The following CDH13 variants were observed in gnomAD, a reference collection of about 807,000 sequenced individuals.
CDH13 encodes cadherin 13, also known as cadherin-13.
In CDH13, 24 loss-of-function variants were observed where a neutral mutation model predicts 63.8. The ratio of observed to expected loss-of-function variants is 0.38; its 90% CI spans 0.27 to 0.53. CDH13 has a LOEUF of 0.53. Ranked by LOEUF, CDH13 falls within the 20% of genes least tolerant of loss-of-function variation. The pLI is 0.85. For missense variants in CDH13, 1,049 were observed against 903.1 expected (o/e 1.16, Z -2.07); for synonymous variants, 503 against 355.3 (o/e 1.42, Z -4.67).
intron 7 of CDH13, among the ~76,000 whole-genome samples, chr16:83,562,859 T>A (rs1447777488): frequency 6.6e-6 from 1 of 152,218 alleles, no homozygotes; most frequent in East Asian, 1.9e-4. Flanking sequence ...GCTATTCTAC[T>A]GTTACTATAA....
chr16:83,539,900 T>C (rs957899707), intron 7 of CDH13, among the ~76,000 whole-genome samples: 1 of 152,164 alleles, frequency 6.6e-6, no homozygotes, highest in South Asian at 2.1e-4. Flanking sequence ...ATTAGGGATA[T>C]CTCCCTGAGG....
intron 6 of CDH13, among the ~76,000 whole-genome samples, chr16:83,356,345 A>T (rs1341891147): frequency 3.3e-5 from 5 of 151,874 alleles, no homozygotes. Flanking sequence ...AACTCCACGC[A>T]GCCCATCCTT....
At chr16:82,668,636 T>C (rs1453913957) in intron 1 of CDH13, among the ~76,000 whole-genome samples, 1 of 152,200 alleles carries the variant, frequency 6.6e-6, no homozygotes, top group Non-Finnish European at 1.5e-5. Context: ...AGATTCAGCA[T>C]TCCTTGGGGT....
intron 6 of CDH13, among the ~76,000 whole-genome samples, chr16:83,486,158 C>T (rs962880519): frequency 8.9e-6 from 1 of 111,872 alleles, no homozygotes; most frequent in African/African-American, 3.6e-5. Context: ...ATGAATGTCC[C>T]TGTCACAAAG....
At chr16:83,072,160 T>C (rs1428810495) in intron 3 of CDH13, among the ~76,000 whole-genome samples, 3 of 152,238 alleles carry the variant, frequency 2.0e-5, no homozygotes. Flanking sequence ...GCATGTATTT[T>C]ACCCTTAAAG....
chr16:83,321,350 T>C (rs11648319), intron 5 of CDH13, among the ~76,000 whole-genome samples: 7,791 of 152,220 alleles, frequency 0.051, 255 homozygotes, highest in Non-Finnish European at 0.075. Context: ...CACAGCAAGT[T>C]GATCAACTTG....
At chr16:83,040,522 C>T (rs943127309) in intron 3 of CDH13, among the ~76,000 whole-genome samples, 18 of 152,198 alleles carry the variant, frequency 1.2e-4, no homozygotes, top group South Asian at 4.2e-4. Context: ...GTGTGATGTT[C>T]GAGGCCAGGA....
At chr16:82,720,815 T>C (rs187091995) in intron 1 of CDH13, among the ~76,000 whole-genome samples, 1 of 152,206 alleles carries the variant, frequency 6.6e-6, no homozygotes, top group Non-Finnish European at 1.5e-5. Flanking sequence ...GAGTTGGCAT[T>C]GCTACAAGTC....
At chr16:83,276,625 C>G (rs1262857549) in intron 5 of CDH13, among the ~76,000 whole-genome samples, 1 of 152,104 alleles carries the variant, frequency 6.6e-6, no homozygotes, top group Non-Finnish European at 1.5e-5. Context: ...AATCCCAGCA[C>G]TTTGGGAGGC....
At position 83,549,454 on chromosome 16, in the gene CDH13, T is replaced by G. The variant is rs550699842; in HGVS notation, c.961-53000T>G. Among the ~76,000 whole-genome samples, 11 of 152,322 alleles carry G rather than the reference T, an allele frequency of 7.2e-5. No homozygotes were observed. The South Asian group carries it at 2.3e-3, about 32-fold the overall frequency. Reference sequence around the variant, plus strand: ...TATCAAGGGGAACGTGGTAGAGGGATGTGAGCCTCAGGCTGCCTGCTGCCG... The same window carrying G: ...TATCAAGGGGAACGTGGTAGAGGGAGGTGAGCCTCAGGCTGCCTGCTGCCG... On this transcript the variant is annotated intron_variant, in intron 7 of 13. Transcript: ENST00000567109.
chr16:83,737,985 G>T (rs952919248), intron 10 of CDH13, among the ~76,000 whole-genome samples: 1 of 152,206 alleles, frequency 6.6e-6, no homozygotes, highest in African/African-American at 2.4e-5. Flanking sequence ...AGACAGTAAT[G>T]TATATGAATA....
intron 7 of CDH13, among the ~76,000 whole-genome samples, chr16:83,513,745 G>T (rs1172008756): frequency 6.6e-6 from 1 of 152,150 alleles, no homozygotes; most frequent in Non-Finnish European, 1.5e-5. Flanking sequence ...AACAACACAT[G>T]GGGATTATGG....
chr16:82,809,851 A>T (rs1466183299), intron 1 of CDH13, among the ~76,000 whole-genome samples: 2 of 152,176 alleles, frequency 1.3e-5, no homozygotes, highest in Admixed American at 1.3e-4. Context: ...CAGTAAAAGA[A>T]GTGGATTAGA....
intron 1 of CDH13, among the ~76,000 whole-genome samples, chr16:82,818,722 C>G (rs1212108018): frequency 6.6e-6 from 1 of 152,188 alleles, no homozygotes; most frequent in African/African-American, 2.4e-5. Context: ...TGCCTCACAT[C>G]TGGCCACAGG....
intron 1 of CDH13, among the ~76,000 whole-genome samples, chr16:82,816,334 G>C (rs1265803452): frequency 6.6e-6 from 1 of 152,150 alleles, no homozygotes; most frequent in East Asian, 1.9e-4. Flanking sequence ...TGGTGATACA[G>C]CAGTGGACAC....
chr16:82,783,031 T>C (rs1258111418), intron 1 of CDH13, among the ~76,000 whole-genome samples: 1 of 152,218 alleles, frequency 6.6e-6, no homozygotes, highest in Non-Finnish European at 1.5e-5. Context: ...CAGCGTCTCC[T>C]TCCCCCATGG....
intron 6 of CDH13, among the ~76,000 whole-genome samples, chr16:83,383,499 T>A (rs1003913443): frequency 2.0e-5 from 3 of 152,188 alleles, no homozygotes; most frequent in Admixed American, 2.0e-4. Context: ...AGTGATTTCC[T>A]TTTTCCATGG....
chr16:83,364,196 A>T (rs1023788560), intron 6 of CDH13, among the ~76,000 whole-genome samples: 1 of 152,176 alleles, frequency 6.6e-6, no homozygotes, highest in Admixed American at 6.5e-5. Context: ...ACTATCTGGG[A>T]TCCTTAAGAT....
Position 83,514,553 on chromosome 16 carries a change from G to C in CDH13, c.960+27898G>C, listed in dbSNP as rs374362852. On this transcript the variant is annotated intron_variant, in intron 7 of 13. Coordinates refer to ENST00000567109, the MANE Select transcript of CDH13 (RefSeq NM_001257.5). The stretch of plus-strand genomic sequence containing the variant: ...TAAGCTACTCAGGAGGCTGAGGCAT[G>C]GGAATTGCTTGAACCTGGGAGGTGG... 2.0e-5 allele frequency among the ~76,000 whole-genome samples: 3 copies of C among 152,296 alleles called. No homozygotes were observed. The South Asian group carries it at 6.2e-4, about 32-fold the overall frequency.
Sources: allele counts gnomAD v4.1 joint callset (sites outside exome capture counted in the v4.1 genomes callset), GRCh38; gene constraint gnomAD v4.1.1; transcripts MANE v1.5; gene names NCBI Gene and HGNC (gene_info 2026-07-23, HGNC 2026-07-21).